BRIX1: variants seen among roughly 807,000 people sequenced by gnomAD.
BRIX1 encodes the protein biogenesis of ribosomes BRX1.
A neutral mutation model predicts 44.0 loss-of-function variants in BRIX1; 15 were observed. That is an observed-to-expected ratio of 0.34 (90% confidence interval 0.23 to 0.53). The LOEUF (loss-of-function observed/expected upper bound fraction) is 0.53. Ranked by LOEUF, BRIX1 falls within the 20% of genes least tolerant of loss-of-function variation. BRIX1 has a pLI of 0.95. For missense variants in BRIX1, 420 were observed against 432.8 expected (o/e 0.97, Z 0.26); for synonymous variants, 149 against 135.4 (o/e 1.10, Z -0.70).
Position 34,922,208 on chromosome 5 carries a change from T to C in BRIX1, c.316-9T>C, listed in dbSNP as rs745990916. 1 of 1,518,006 alleles carries C rather than the reference T, an allele frequency of 6.6e-7. No individual in the cohort carries two copies. Among genetic ancestry groups the C allele is most frequent in the Non-Finnish European group, 9.0e-7 (1 of 1,107,944 alleles). The allele number at this position is 1,518,006 out of a possible 1,614,324, so 94.0% of individuals were successfully genotyped here. A position where few individuals can be genotyped will look rare whatever the true frequency, so the allele number is the denominator to read the frequency against. On this transcript the variant is annotated splice_polypyrimidine_tract_variant and intron_variant, in intron 3 of 9. Transcript: ENST00000336767. Reference sequence around the variant, plus strand: ...TCTACTTCATTTTCCTATACTTTGCTTCCTTTAGGTTTGTGAAATGAAGAA... The same window carrying C: ...TCTACTTCATTTTCCTATACTTTGCCTCCTTTAGGTTTGTGAAATGAAGAA...
At chr5:34,922,819 T>A (rs188059901) in intron 6 of BRIX1, 51 bp downstream of exon 6, 1 of 1,506,932 alleles carries the variant, frequency 6.6e-7, no homozygotes, top group Non-Finnish European at 9.2e-7. Context: ...CTGGCATGGT[T>A]GTTTTTAGTA....
In BRIX1 at chr5:34,925,306, G is replaced by A. The variant is rs1297940606; in HGVS notation, c.873G>A (p.Lys291=). The change falls in exon 10 of 10, where the codon AAG becomes AAA. Residue 291 remains lysine, a synonymous_variant. Transcript: ENST00000336767. The stretch of plus-strand genomic sequence containing the variant: ...TGAAAGATGTGCAAAAACTGAGAAA[G>A]AAAGAGCCGAAGACTCTTCTTCCAC... ...QQVKDVQKLR[K]KEPKTLLPHD... The A allele has an allele frequency of 6.2e-7, 1 of 1,611,762 alleles. No homozygotes were observed. Among genetic ancestry groups the A allele is most frequent in the Non-Finnish European group, 8.5e-7 (1 of 1,179,636 alleles).
chr5:34,925,462 G>A lies in BRIX1; in HGVS notation c.1029G>A (p.Met343Ile), dbSNP rs892245394. Residue 343 changes from methionine to isoleucine, a missense_variant, in exon 10 of 10, where the codon ATG becomes ATA. Transcript: ENST00000336767. ...KKRIYKRQRKMKQRMDSGKTK is the reference protein window; with the variant it reads ...KKRIYKRQRKIKQRMDSGKTK ...GGATTTACAAAAGGCAAAGAAAAAT[G>A]AAACAGAGGATGGACAGTGGGAAAA... 1 of 1,613,626 alleles carries A rather than the reference G, an allele frequency of 6.2e-7. No individual in the cohort carries two copies. The highest frequency in any genetic ancestry group is 8.5e-7 in the Non-Finnish European group (1 of 1,179,948).
chr5:34,925,531 A>G lies in BRIX1; in HGVS notation c.*36A>G, dbSNP rs760556018. 93 of 1,568,082 alleles carry G rather than the reference A, an allele frequency of 5.9e-5. No homozygotes were observed. The highest frequency in any genetic ancestry group is 7.7e-5 in the Non-Finnish European group (89 of 1,154,228). On this transcript the variant is annotated 3_prime_UTR_variant, in exon 10 of 10. Transcript: ENST00000336767. ...ACCTGATTTGTTTTTCAGTTACTTTATATTTATTTTGTATTCAATGTGTAA... is the reference window on the plus strand; with the variant it reads ...ACCTGATTTGTTTTTCAGTTACTTTGTATTTATTTTGTATTCAATGTGTAA...
chr5:34,922,934 C>G (rs1041085464), intron 6 of BRIX1, 67 bp from the exon 7 acceptor site: 12 of 1,286,694 alleles, frequency 9.3e-6, no homozygotes, highest in Non-Finnish European at 1.3e-5. Context: ...GTTATAGAAA[C>G]AAATGAGCAA....
Position 34,922,602 on chromosome 5 carries a change from A to G in BRIX1, c.436+14A>G. Reference sequence around the variant, plus strand: ...TTGTTCAAAATAGTAAGTTGACTCAATAAATTTTTTTAGATGAGGAAATTA... The same window carrying G: ...TTGTTCAAAATAGTAAGTTGACTCAGTAAATTTTTTTAGATGAGGAAATTA... On this transcript the variant is annotated intron_variant, in intron 5 of 9. Coordinates refer to ENST00000336767, the MANE Select transcript of BRIX1 (RefSeq NM_018321.4). 6.2e-7 allele frequency: 1 copy of G among 1,601,656 alleles called. No individual in the cohort carries two copies.
At position 34,915,731 on chromosome 5, in the gene BRIX1, G is replaced by C. The variant is rs1764051521; in HGVS notation, c.-8G>C. ...AAAGGAGGCCAAGAGCGCGGGCGGC[G>C]AGGCAAGATGGCGGCAACCAAGAGG... On this transcript the variant is annotated 5_prime_UTR_variant, in exon 1 of 10. Coordinates refer to ENST00000336767, the MANE Select transcript of BRIX1 (RefSeq NM_018321.4). The C allele has an allele frequency of 1.9e-6, 3 of 1,596,004 alleles. No homozygotes were observed. Among genetic ancestry groups the C allele is most frequent in the Non-Finnish European group, 2.6e-6 (3 of 1,171,700 alleles).
At chr5:34,918,288 G>A in intron 1 of BRIX1, 76 bp from the exon 2 acceptor site, 2 of 773,202 alleles carry the variant, frequency 2.6e-6, no homozygotes, top group Admixed American at 2.2e-5. Flanking sequence ...CTGGGCAACA[G>A]TGTGAGACCC....
chr5:34,922,361 C>T, intron 4 of BRIX1, 74 bp downstream of exon 4: 1 of 1,019,374 alleles, frequency 9.8e-7, no homozygotes, highest in Non-Finnish European at 1.5e-6. Context: ...ATGTTATAGA[C>T]TCCTAGTGTT....
In BRIX1 at chr5:34,915,734, GC is replaced by G. The variant is rs1258087608; in HGVS notation, c.-4del. 2 of 1,597,450 alleles carry G rather than the reference GC, an allele frequency of 1.3e-6. No homozygotes were observed. The highest frequency in any genetic ancestry group is 2.7e-5 in the African/African-American group (2 of 74,304). On this transcript the variant is annotated 5_prime_UTR_variant, in exon 1 of 10. Transcript: ENST00000336767. The stretch of plus-strand genomic sequence containing the variant: ...GGAGGCCAAGAGCGCGGGCGGCGAG[GC>G]AAGATGGCGGCAACCAAGAGGAAAC...
chr5:34,922,400 CTT>C (rs1299607956), intron 4 of BRIX1, 113 bp downstream of exon 4: 14 of 904,234 alleles, frequency 1.5e-5, no homozygotes, highest in Middle Eastern at 2.5e-4. Flanking sequence ...ATGAAGCAAA[CTT>C]TTGATTTCAC....
At chr5:34,920,562 C>A (rs1256060955) in intron 3 of BRIX1, 1 of 152,114 alleles carries the variant, frequency 6.6e-6, no homozygotes, top group African/African-American at 2.4e-5. Flanking sequence ...ATGGAACTTA[C>A]ATTCTAATGG....
In BRIX1 at chr5:34,922,765, C is replaced by T. The variant is rs1271929635; in HGVS notation, c.507C>T (p.Asp169=). The change falls in exon 6 of 10, where the codon GAC becomes GAT. Residue 169 remains aspartate (D), a synonymous_variant. Coordinates refer to ENST00000336767, the MANE Select transcript of BRIX1 (RefSeq NM_018321.4). ...GTTCTCGGCCCCTTTTGTCTTTTGA[C>T]CCTGTAAGTTTCTCATTCAGTGTAT... The part of the protein sequence containing the change: ...LKGSRPLLSF[D]PAFDELPHYA... 6.2e-7 allele frequency: 1 copy of T among 1,613,610 alleles called. No homozygotes were observed. Among genetic ancestry groups the T allele is most frequent in the Non-Finnish European group, 8.5e-7 (1 of 1,179,628 alleles).
At chr5:34,918,269 C>T (rs1764161566) in intron 1 of BRIX1, 95 bp from the exon 2 acceptor site, 2 of 610,800 alleles carry the variant, frequency 3.3e-6, no homozygotes, top group Non-Finnish European at 2.9e-6. Context: ...GAGCCGTGAG[C>T]ACTTCAGCCT....
In BRIX1 at chr5:34,918,353, T is replaced by C. The variant is rs1326822042; in HGVS notation, c.160-11T>C. 1 of 1,320,728 alleles carries C rather than the reference T, an allele frequency of 7.6e-7. No homozygotes were observed. The highest frequency in any genetic ancestry group is 1.2e-5 in the South Asian group (1 of 82,442). 81.8% of individuals were successfully genotyped at this position (1,320,728 alleles called of 1,614,324 possible). ...GATTTTAAAATCTTTTAACATTTTC[T>C]TTTTCTTTAGGGAAAGTGGAAAAAT... is the stretch of plus-strand genomic sequence containing the variant. On this transcript the variant is annotated splice_polypyrimidine_tract_variant and intron_variant, in intron 1 of 9. Coordinates refer to ENST00000336767, the MANE Select transcript of BRIX1 (RefSeq NM_018321.4).
chr5:34,919,274 CAAAAAAAAAAAA>C (rs71299559), intron 2 of BRIX1, among the ~76,000 whole-genome samples: 8 of 35,964 alleles, frequency 2.2e-4, no homozygotes, highest in African/African-American at 7.7e-4. Context: ...GACCCTGTCT[CAAAAAAAAAAAA>C]AAAAAAAAAA....
At chr5:34,916,501 A>G (rs1764094931) in intron 1 of BRIX1, 1 of 152,214 alleles carries the variant, frequency 6.6e-6, no homozygotes, top group East Asian at 1.9e-4. Context: ...TGCAAAGATG[A>G]CTAGAATGTG....
intron 1 of BRIX1, chr5:34,916,150 C>T (rs1353476678): frequency 8.0e-6 from 3 of 373,732 alleles, no homozygotes; most frequent in Non-Finnish European, 9.6e-6. Flanking sequence ...ACAGGGTGCT[C>T]AGATCCAGCG....
At chr5:34,922,196 C>T in intron 3 of BRIX1, 21 bp from the exon 4 acceptor site, 2 of 1,392,104 alleles carry the variant, frequency 1.4e-6, no homozygotes, top group Non-Finnish European at 2.0e-6. Flanking sequence ...ACTTCATTTT[C>T]CTATACTTTG....
Sources: allele counts gnomAD v4.1 joint callset (sites outside exome capture counted in the v4.1 genomes callset), GRCh38; gene constraint gnomAD v4.1.1; transcripts MANE v1.5; gene names NCBI Gene and HGNC (gene_info 2026-07-23, HGNC 2026-07-21).